Variants in CPEB3 observed in about 807,000 individuals in gnomAD.
CPEB3 encodes cytoplasmic polyadenylation element-binding protein 3.
Under a neutral mutation model 67.2 loss-of-function variants are expected in CPEB3, and 20 were observed. That is an observed-to-expected ratio of 0.30 (90% confidence interval 0.21 to 0.43). The LOEUF is 0.43. Among genes scored for constraint, CPEB3 ranks in the 20% least tolerant of loss-of-function variants. The pLI, the probability that CPEB3 is intolerant of heterozygous loss-of-function variation, is 1.00. For missense variants in CPEB3, 746 were observed against 968.6 expected, an observed-to-expected ratio of 0.77 and a Z score of 3.05; for synonymous variants, 376 against 393.1, an observed-to-expected ratio of 0.96 and a Z score of 0.51.
chr10:92,091,595 T>C (rs1352341067), intron 8 of CPEB3, among the ~76,000 whole-genome samples: 2 of 152,230 alleles, frequency 1.3e-5, no homozygotes, highest in African/African-American at 2.4e-5. Context: ...AAGCACTAAA[T>C]AGAATTCATT....
At chr10:92,199,332 G>T (rs1283538509) in intron 2 of CPEB3, among the ~76,000 whole-genome samples, 1 of 149,806 alleles carries the variant, frequency 6.7e-6, no homozygotes, top group Non-Finnish European at 1.5e-5. Context: ...TGGAGGTTGC[G>T]GTGAGCCGAG....
chr10:92,129,534 T>A (rs1845748183), intron 6 of CPEB3, among the ~76,000 whole-genome samples: 2 of 152,204 alleles, frequency 1.3e-5, no homozygotes, highest in Non-Finnish European at 2.9e-5. Flanking sequence ...GGATTATTCT[T>A]ATTGTTTATA....
intron 9 of CPEB3, among the ~76,000 whole-genome samples, chr10:92,078,890 T>C (rs1311605013): frequency 6.6e-6 from 1 of 152,162 alleles, no homozygotes; most frequent in Non-Finnish European, 1.5e-5. Context: ...GCTCAATGAC[T>C]ACTATAAATC....
chr10:92,135,068 A>G (rs1421535433), intron 6 of CPEB3, among the ~76,000 whole-genome samples: 2 of 152,238 alleles, frequency 1.3e-5, no homozygotes, highest in African/African-American at 4.8e-5. Flanking sequence ...ACCCTAGGAG[A>G]AAACCTAGGA....
At chr10:92,132,288 C>T (rs1243463251) in intron 6 of CPEB3, among the ~76,000 whole-genome samples, 2 of 152,074 alleles carry the variant, frequency 1.3e-5, no homozygotes, top group East Asian at 3.8e-4. Context: ...ACTAGCCAGC[C>T]TATAAACAAA....
At chr10:92,281,215 T>C (rs1842281000) in intron 1 of CPEB3, among the ~76,000 whole-genome samples, 1 of 148,194 alleles carries the variant, frequency 6.7e-6, no homozygotes, top group African/African-American at 2.6e-5. Context: ...AGGTCCTTTG[T>C]CTGTTTTTAA....
At chr10:92,128,280 T>A (rs1303479521) in intron 6 of CPEB3, among the ~76,000 whole-genome samples, 1 of 152,206 alleles carries the variant, frequency 6.6e-6, no homozygotes, top group Admixed American at 6.5e-5. Context: ...AGAATTGTCT[T>A]GGGCCACACA....
intron 1 of CPEB3, among the ~76,000 whole-genome samples, chr10:92,283,732 T>TC (rs1842404709): frequency 6.9e-6 from 1 of 145,454 alleles, no homozygotes; most frequent in African/African-American, 2.5e-5. Flanking sequence ...CTTTTTTTTT[T>TC]TTTTTTTTTT....
chr10:92,087,802 A>G (rs1187510371), intron 8 of CPEB3, among the ~76,000 whole-genome samples: 1 of 152,196 alleles, frequency 6.6e-6, no homozygotes, highest in Non-Finnish European at 1.5e-5. Flanking sequence ...TTCTGTATGG[A>G]GATTCACATT....
intron 1 of CPEB3, among the ~76,000 whole-genome samples, chr10:92,244,496 G>T (rs1473361794): frequency 6.6e-6 from 1 of 151,234 alleles, no homozygotes; most frequent in Non-Finnish European, 1.5e-5. Context: ...GGAGTACAGT[G>T]GTGCGATCTC....
At chr10:92,086,250 A>T (rs1843367726) in intron 8 of CPEB3, among the ~76,000 whole-genome samples, 1 of 152,256 alleles carries the variant, frequency 6.6e-6, no homozygotes, top group Admixed American at 6.5e-5. Context: ...GACTTCTGAA[A>T]GAAAGGAAGA....
At chr10:92,098,302 C>T (rs1031197027) in intron 7 of CPEB3, among the ~76,000 whole-genome samples, 1 of 151,184 alleles carries the variant, frequency 6.6e-6, no homozygotes, top group Non-Finnish European at 1.5e-5. Context: ...ATAATTCTGC[C>T]CTACTATACC....
At chr10:92,187,542 C>T (rs1451743006) in intron 3 of CPEB3, among the ~76,000 whole-genome samples, 2 of 152,142 alleles carry the variant, frequency 1.3e-5, no homozygotes, top group African/African-American at 2.4e-5. Flanking sequence ...TTAGGGTATA[C>T]GATCTTACTT....
At chr10:92,139,564 G>C (rs556316025) in intron 6 of CPEB3, among the ~76,000 whole-genome samples, 1 of 151,898 alleles carries the variant, frequency 6.6e-6, no homozygotes, top group Non-Finnish European at 1.5e-5. Flanking sequence ...GGTAAAAGTG[G>C]GCATGGTTAA....
At chr10:92,117,881 G>A (rs992954143) in intron 6 of CPEB3, among the ~76,000 whole-genome samples, 3 of 151,958 alleles carry the variant, frequency 2.0e-5, no homozygotes, top group Non-Finnish European at 2.9e-5. Flanking sequence ...TATCCTCACA[G>A]TAACTCTATG....
Position 92,145,084 on chromosome 10 carries a change from A to G in CPEB3, c.1224T>C (p.Asn408=), listed in dbSNP as rs1164064053. Residue 408 remains asparagine (N), a splice_region_variant and synonymous_variant, in exon 5 of 10, where the codon AAT becomes AAC. Transcript: ENST00000265997. ...CACCATGGCTATCATCCAGGAAGGC[A>G]TCTTCAAAGGGAAAGAGAGAAGATC... ...PGTDNIMALN[N]AFLDDSHGDQ... The G allele has an allele frequency of 6.2e-7, 1 of 1,614,116 alleles. No individual in the cohort carries two copies. Among genetic ancestry groups the G allele is most frequent in the Non-Finnish European group, 8.5e-7 (1 of 1,179,974 alleles).
intron 1 of CPEB3, among the ~76,000 whole-genome samples, chr10:92,281,667 T>C (rs1842301791): frequency 6.6e-6 from 1 of 152,212 alleles, no homozygotes; most frequent in African/African-American, 2.4e-5. Context: ...CACTTTATCA[T>C]ATAGATTGTT....
chr10:92,203,508 G>GTATATATA (rs762019168), intron 2 of CPEB3, among the ~76,000 whole-genome samples: 2 of 116,580 alleles, frequency 1.7e-5, no homozygotes, highest in Non-Finnish European at 3.6e-5. Flanking sequence ...ATATGTGTGT[G>GTATATATA]TATATATATA....
chr10:92,189,518 A>C (rs919972389), intron 3 of CPEB3, among the ~76,000 whole-genome samples: 2 of 152,286 alleles, frequency 1.3e-5, no homozygotes, highest in African/African-American at 4.8e-5. Flanking sequence ...GAAGAGGTTA[A>C]TTTATCCAGA....
Sources: gnomAD v4.1 joint callset for allele counts (sites outside exome capture counted in the v4.1 genomes callset) on GRCh38, gnomAD v4.1.1 for gene constraint, MANE v1.5 for transcripts, NCBI Gene and HGNC (gene_info 2026-07-23, HGNC 2026-07-21) for gene names.